KCNH5: variants seen among roughly 807,000 people sequenced by gnomAD.
KCNH5 encodes voltage-gated delayed rectifier potassium channel KCNH5.
A neutral mutation model predicts 96.1 loss-of-function variants in KCNH5; 46 were observed. The observed-to-expected ratio is 0.48, with a 90% confidence interval of 0.38 to 0.61. KCNH5 has a LOEUF of 0.61. KCNH5 is among the 20% of genes least tolerant of loss of function. KCNH5 has a pLI of 0.00. For missense variants in KCNH5, 907 were observed against 1,225.8 expected (o/e 0.74, Z 3.88); for synonymous variants, 439 against 449.8 (o/e 0.98, Z 0.30).
At chr14:62,840,310 C>T (rs2140036185) in intron 8 of KCNH5, among the ~76,000 whole-genome samples, 2 of 151,950 alleles carry the variant, frequency 1.3e-5, no homozygotes, top group African/African-American at 4.8e-5. Flanking sequence ...AGGAAGGTTG[C>T]TATTATGAGA....
chr14:62,777,044 A>G (rs1256983574), intron 10 of KCNH5, among the ~76,000 whole-genome samples: 1 of 152,234 alleles, frequency 6.6e-6, no homozygotes, highest in African/African-American at 2.4e-5. Flanking sequence ...ATAGCATACT[A>G]AAGACATAGT....
In KCNH5 at chr14:62,703,214, C is replaced by T. The variant is rs887851875; in HGVS notation, c.*4294G>A. ...CATAAGTATGAAGTTTTATGCTTAC[C>T]TGCCACTAGCAAACTATGCCTCTCT... On this transcript the variant is annotated 3_prime_UTR_variant, in exon 11 of 11. Coordinates refer to ENST00000322893, the MANE Select transcript of KCNH5 (RefSeq NM_139318.5). 6.6e-6 allele frequency: 1 copy of T among 151,906 alleles called. No individual in the cohort carries two copies. Among genetic ancestry groups the T allele is most frequent in the Middle Eastern group, 3.4e-3 (1 of 294 alleles). 9.4% of individuals were successfully genotyped at this position (151,906 alleles called of 1,614,324 possible). A position where few individuals can be genotyped will look rare whatever the true frequency, so the allele number is the denominator to read the frequency against.
intron 7 of KCNH5, among the ~76,000 whole-genome samples, chr14:62,867,660 A>G (rs1888160725): frequency 6.6e-6 from 1 of 152,114 alleles, no homozygotes; most frequent in Non-Finnish European, 1.5e-5. Context: ...CCTGCTGAAA[A>G]GTTTCCAGGG....
chr14:62,874,591 CA>C (rs1294193111), intron 7 of KCNH5, among the ~76,000 whole-genome samples: 1 of 151,494 alleles, frequency 6.6e-6, no homozygotes, highest in Non-Finnish European at 1.5e-5. Context: ...AGACAAAAAC[CA>C]CATGATTATC....
At chr14:62,897,145 T>C (rs75613241) in intron 7 of KCNH5, among the ~76,000 whole-genome samples, 4,406 of 152,296 alleles carry the variant, frequency 0.029, 86 homozygotes, top group Non-Finnish European at 0.038. Context: ...TAATAGCCAG[T>C]GTTTCCAATT....
At chr14:62,857,955 C>CTAATA (rs1044294307) in intron 7 of KCNH5, among the ~76,000 whole-genome samples, 2 of 151,948 alleles carry the variant, frequency 1.3e-5, no homozygotes, top group Admixed American at 6.6e-5. Context: ...ATAATTACAC[C>CTAATA]TAATATAATA....
At chr14:63,003,624 A>ATATATTTTTTT (rs1491457497) in intron 3 of KCNH5, among the ~76,000 whole-genome samples, 1 of 92,824 alleles carries the variant, frequency 1.1e-5, no homozygotes, top group African/African-American at 4.7e-5. Flanking sequence ...ATATATATAT[A>ATATATTTTTTT]TTTTTTTTTT....
intron 8 of KCNH5, among the ~76,000 whole-genome samples, chr14:62,806,717 A>G (rs1886774191): frequency 6.6e-6 from 1 of 152,116 alleles, no homozygotes; most frequent in South Asian, 2.1e-4. Flanking sequence ...AGGATGCCTG[A>G]CTGACATTGG....
intron 9 of KCNH5, among the ~76,000 whole-genome samples, chr14:62,790,640 A>G (rs1886414503): frequency 6.6e-6 from 1 of 150,680 alleles, no homozygotes; most frequent in Non-Finnish European, 1.5e-5. Context: ...GTATACCCAG[A>G]GTCAGCCAAT....
In KCNH5 at chr14:62,802,471, G is replaced by A. The variant is rs114074278; in HGVS notation, c.1680C>T (p.Arg560=). 50 of 1,614,096 alleles carry A rather than the reference G, an allele frequency of 3.1e-5. No homozygotes were observed. In the East Asian group the frequency reaches 4.0e-4, roughly 13 times the overall value. ...AFRLASDGCL[R]ALAVEFQTIH... The stretch of plus-strand genomic sequence containing the variant: ...TGGTTTGGAACTCTACCGCCAAGGC[G>A]CGCAGACACCCATCGCTGGCCAATC... The change falls in exon 9 of 11, where the codon CGC becomes CGT. Residue 560 remains arginine (R), a synonymous_variant. Coordinates refer to ENST00000322893, the MANE Select transcript of KCNH5 (RefSeq NM_139318.5).
intron 7 of KCNH5, among the ~76,000 whole-genome samples, chr14:62,943,458 G>A (rs140520652): frequency 2.1e-4 from 32 of 152,074 alleles, no homozygotes; most frequent in Admixed American, 7.9e-4. Context: ...ATATTATTAG[G>A]GGCTCAATAA....
At chr14:63,001,524 C>A in intron 3 of KCNH5, 65 bp from the exon 4 acceptor site, 1 of 1,470,188 alleles carries the variant, frequency 6.8e-7, no homozygotes, top group South Asian at 1.4e-5. Flanking sequence ...GTGGTTTGGT[C>A]TCCTGGCTTC....
At chr14:62,954,341 A>G (rs1323906299) in intron 6 of KCNH5, among the ~76,000 whole-genome samples, 1 of 152,136 alleles carries the variant, frequency 6.6e-6, no homozygotes, top group Admixed American at 6.6e-5. Flanking sequence ...GCACATCTCT[A>G]TTATAACAAT....
chr14:62,917,703 T>C (rs1191979301), intron 7 of KCNH5, among the ~76,000 whole-genome samples: 1 of 152,222 alleles, frequency 6.6e-6, no homozygotes, highest in Non-Finnish European at 1.5e-5. Flanking sequence ...CACTGACCCA[T>C]GTTCACAAAT....
At chr14:62,985,807 C>A (rs574856525) in intron 5 of KCNH5, among the ~76,000 whole-genome samples, 1 of 152,124 alleles carries the variant, frequency 6.6e-6, no homozygotes, top group Admixed American at 6.6e-5. Flanking sequence ...AATCTCCCTG[C>A]TGTTCAGGCA....
intron 7 of KCNH5, among the ~76,000 whole-genome samples, chr14:62,873,087 T>C (rs985295984): frequency 4.6e-5 from 7 of 150,918 alleles, no homozygotes; most frequent in Non-Finnish European, 4.4e-5. Context: ...GAGGCAGAGC[T>C]TGCAGTGAGC....
chr14:62,958,065 G>T (rs1179748257), intron 6 of KCNH5, among the ~76,000 whole-genome samples: 1 of 152,144 alleles, frequency 6.6e-6, no homozygotes, highest in African/African-American at 2.4e-5. Flanking sequence ...GAACACTGGG[G>T]CAATATAGAT....
chr14:63,013,485 C>T (rs949556893), intron 2 of KCNH5, among the ~76,000 whole-genome samples: 1 of 152,116 alleles, frequency 6.6e-6, no homozygotes. Flanking sequence ...GTGTCAAATA[C>T]TTATCTCCAT....
chr14:62,836,802 G>A (rs1369655013), intron 8 of KCNH5, among the ~76,000 whole-genome samples: 1 of 152,064 alleles, frequency 6.6e-6, no homozygotes, highest in Non-Finnish European at 1.5e-5. Context: ...CAAGGACCAT[G>A]CCTATCTTGG....
Sources: gnomAD v4.1 joint callset for allele counts (sites outside exome capture counted in the v4.1 genomes callset) on GRCh38, gnomAD v4.1.1 for gene constraint, MANE v1.5 for transcripts, NCBI Gene and HGNC (gene_info 2026-07-23, HGNC 2026-07-21) for gene names.